The following TCF12 variants were observed in gnomAD, a reference collection of about 807,000 sequenced individuals.
The protein encoded by TCF12 is transcription factor 12.
Under a neutral mutation model 86.0 loss-of-function variants are expected in TCF12, and 45 were observed. That is an observed-to-expected ratio of 0.52 (90% confidence interval 0.41 to 0.67). The LOEUF (loss-of-function observed/expected upper bound fraction) is 0.67, where lower values mean the gene tolerates loss of function less well. TCF12 is among the 30% of genes least tolerant of loss of function. The pLI, the probability that TCF12 is intolerant of heterozygous loss-of-function variation, is 0.00. For missense variants in TCF12, 881 were observed against 859.9 expected, an observed-to-expected ratio of 1.02 and a Z score of -0.31; for synonymous variants, 330 against 299.6, an observed-to-expected ratio of 1.10 and a Z score of -1.05.
intron 4 of TCF12, among the ~76,000 whole-genome samples, chr15:57,064,582 G>A (rs2068709727): frequency 6.6e-6 from 1 of 151,952 alleles, no homozygotes; most frequent in Non-Finnish European, 1.5e-5. Flanking sequence ...ATCACTACAA[G>A]TCAGAAGTTC....
chr15:57,104,914 C>T (rs764078357), intron 5 of TCF12, among the ~76,000 whole-genome samples: 3 of 118,268 alleles, frequency 2.5e-5, no homozygotes, highest in Non-Finnish European at 3.3e-5. Context: ...CACTTTGTCA[C>T]ACAGGCTGGA....
chr15:57,158,333 C>CATGCCCA (rs1252858651), intron 5 of TCF12, among the ~76,000 whole-genome samples: 2 of 151,982 alleles, frequency 1.3e-5, no homozygotes, highest in Non-Finnish European at 2.9e-5. Flanking sequence ...TGTGTACCAC[C>CATGCCCA]ATGCCCAGAT....
rs550464164 is a variant in TCF12, at chr15:57,276,966, A to T, written c.1978+3704A>T. Among the ~76,000 whole-genome samples, 27 of 151,864 alleles carry T rather than the reference A, an allele frequency of 1.8e-4. No individual in the cohort carries two copies. In the East Asian group the frequency reaches 5.1e-3, roughly 28 times the overall value. ...ATTACAGGCACGCATCACCATGCCC[A>T]GTTAATTTTTTGTATTTTTAGTAGA... On this transcript the variant is annotated intron_variant, in intron 19 of 20. Transcript: ENST00000333725.
rs56700978 is a variant in TCF12, at chr15:57,269,360, C to CTTTTTTTTTTTTTTTTTTT, written c.1746-3657_1746-3639dup. ...CAGGATTGCAACCGCACAACCCCTG[C>CTTTTTTTTTTTTTTTTTTT]TTTTTTTTTTTTTTTTTTTTTTTTT... is the stretch of plus-strand genomic sequence containing the variant. On this transcript the variant is annotated intron_variant, in intron 18 of 20. Transcript: ENST00000333725. 6.3e-5 allele frequency among the ~76,000 whole-genome samples: 2 copies of CTTTTTTTTTTTTTTTTTTT among 31,944 alleles called. 1 individual carries two copies. The highest frequency in any genetic ancestry group is 1.0e-4 in the Non-Finnish European group (2 of 19,124). 21.0% of individuals were successfully genotyped at this position (31,944 alleles called of 152,430 possible). A position where few individuals can be genotyped will look rare whatever the true frequency, so the allele number is the denominator to read the frequency against.
chr15:57,155,759 A>G (rs901306260), intron 5 of TCF12, among the ~76,000 whole-genome samples: 2 of 152,218 alleles, frequency 1.3e-5, no homozygotes, highest in Non-Finnish European at 2.9e-5. Context: ...CAGCCTGGAC[A>G]ACAGATCAAG....
At position 57,123,718 on chromosome 15, in the gene TCF12, G is replaced by A. The variant is rs368076651; in HGVS notation, c.325+31827G>A. On this transcript the variant is annotated intron_variant, in intron 5 of 20. Transcript: ENST00000333725. The stretch of plus-strand genomic sequence containing the variant: ...TGTAATTCCAGCACTTTGGGAGGCC[G>A]AGGCGGGTGGATCACGAGGTCAGGA... Among the ~76,000 whole-genome samples the A allele has an allele frequency of 4.0e-5, 6 of 151,862 alleles. No individual in the cohort carries two copies. The East Asian group carries it at 9.7e-4, about 25-fold the overall frequency.
chr15:57,030,395 C>CACCTGGCTA (rs1157669589), intron 3 of TCF12, among the ~76,000 whole-genome samples: 1 of 152,156 alleles, frequency 6.6e-6, no homozygotes, highest in Non-Finnish European at 1.5e-5. Context: ...CAAGCCAGCA[C>CACCTGGCTA]ACCTGGCTAA....
intron 13 of TCF12, chr15:57,247,865 A>AGT: frequency 1.3e-6 from 1 of 759,660 alleles, no homozygotes; most frequent in Non-Finnish European, 2.4e-6. Context: ...ACAATCTGTG[A>AGT]GTGTGCCCCA....
chr15:56,963,335 TC>T (rs1358000186), intron 3 of TCF12, among the ~76,000 whole-genome samples: 2 of 152,214 alleles, frequency 1.3e-5, no homozygotes, highest in Non-Finnish European at 2.9e-5. Flanking sequence ...CTGTGGTTTT[TC>T]CACATGTGCC....
intron 7 of TCF12, among the ~76,000 whole-genome samples, chr15:57,194,532 C>T (rs1019927395): frequency 5.3e-5 from 8 of 152,096 alleles, no homozygotes; most frequent in Admixed American, 2.0e-4. Context: ...AAAATCTCAG[C>T]GTTTAAAAGC....
rs1246328771 is a variant in TCF12, at chr15:56,918,669, C to T, written c.-260C>T. 1 of 187,068 alleles carries T rather than the reference C, an allele frequency of 5.3e-6. No individual in the cohort carries two copies. The highest frequency in any genetic ancestry group is 5.7e-5 in the Admixed American group (1 of 17,472). The allele number at this position is 187,068 out of a possible 1,614,324, so 11.6% of individuals were successfully genotyped here. A position where few individuals can be genotyped will look rare whatever the true frequency, so the allele number is the denominator to read the frequency against. On this transcript the variant is annotated 5_prime_UTR_variant, in exon 1 of 21. Coordinates refer to ENST00000333725, the MANE Select transcript of TCF12 (RefSeq NM_207037.2). The stretch of plus-strand genomic sequence containing the variant: ...GAGCCGAGCGCGGTGGTGAGGCCGC[C>T]TCAGCGAAAAAAATGTCCGCCTGAA...
chr15:56,936,184 A>C (rs766782640), intron 3 of TCF12, among the ~76,000 whole-genome samples: 47 of 152,090 alleles, frequency 3.1e-4, no homozygotes, highest in Admixed American at 3.3e-4. Context: ...TTGTGAGAGT[A>C]AGGTGGTATT....
intron 5 of TCF12, among the ~76,000 whole-genome samples, chr15:57,126,226 G>GTC (rs1467110278): frequency 5.3e-5 from 8 of 152,112 alleles, no homozygotes; most frequent in Non-Finnish European, 1.2e-4. Flanking sequence ...GGTTGACAGA[G>GTC]TGAGACCCCA....
At chr15:57,274,871 T>A (rs1377035875) in intron 19 of TCF12, among the ~76,000 whole-genome samples, 1 of 151,540 alleles carries the variant, frequency 6.6e-6, no homozygotes, top group African/African-American at 2.4e-5. Flanking sequence ...TTTTAAAAAC[T>A]TTTTTTTTAA....
chr15:57,120,302 GTA>G (rs1439046176), intron 5 of TCF12, among the ~76,000 whole-genome samples: 1 of 152,166 alleles, frequency 6.6e-6, no homozygotes, highest in Non-Finnish European at 1.5e-5. Context: ...GTGGCTCCCT[GTA>G]TATGTTATGC....
In TCF12 at chr15:56,976,550, GA is replaced by G. The variant is rs577415462; in HGVS notation, c.148+55454del. Reference sequence around the variant, plus strand: ...AGAACTATTACAGCTAATACATGAGGAAGGAATTATAAAATTATAATGTTAC... The same window carrying G: ...AGAACTATTACAGCTAATACATGAGGAGGAATTATAAAATTATAATGTTAC... On this transcript the variant is annotated intron_variant, in intron 3 of 20. Coordinates refer to ENST00000333725, the MANE Select transcript of TCF12 (RefSeq NM_207037.2). 2.6e-5 allele frequency among the ~76,000 whole-genome samples: 4 copies of G among 152,010 alleles called. No individual in the cohort carries two copies. In the East Asian group the frequency reaches 7.7e-4, roughly 29 times the overall value.
intron 13 of TCF12, chr15:57,247,532 G>A (rs2059919379): frequency 1.0e-5 from 9 of 901,888 alleles, no homozygotes; most frequent in Non-Finnish European, 1.1e-5. Flanking sequence ...ATCATCAAAA[G>A]TTATAAAAGC....
At chr15:57,093,282 T>C (rs1347928396) in intron 5 of TCF12, among the ~76,000 whole-genome samples, 2 of 152,216 alleles carry the variant, frequency 1.3e-5, no homozygotes, top group Non-Finnish European at 2.9e-5. Flanking sequence ...AAAATCGATA[T>C]AACACTCCAA....
rs113449826 is a variant in TCF12, at chr15:56,920,313, T to C, written c.75+325T>C. Among the ~76,000 whole-genome samples the C allele has an allele frequency of 1.9e-3, 294 of 152,324 alleles. 1 individual carries two copies. The highest frequency in any genetic ancestry group is 3.7e-3 in the Non-Finnish European group (249 of 68,018). On this transcript the variant is annotated intron_variant, in intron 2 of 20. Coordinates refer to ENST00000333725, the MANE Select transcript of TCF12 (RefSeq NM_207037.2). Reference sequence around the variant, plus strand: ...CCCACCGCGATGATTATTGGGGATCTTGTACTTTATATGAAAAAGTGTTGT... The same window carrying C: ...CCCACCGCGATGATTATTGGGGATCCTGTACTTTATATGAAAAAGTGTTGT...
Sources: allele counts gnomAD v4.1 joint callset (sites outside exome capture counted in the v4.1 genomes callset), GRCh38; gene constraint gnomAD v4.1.1; transcripts MANE v1.5; gene names NCBI Gene and HGNC (gene_info 2026-07-23, HGNC 2026-07-21).